The following CLEC16A variants were observed in gnomAD, a reference collection of about 807,000 sequenced individuals.
CLEC16A encodes the protein C-type lectin domain containing 16A, also known as protein CLEC16A.
A neutral mutation model predicts 109.5 loss-of-function variants in CLEC16A; 51 were observed. That is an observed-to-expected ratio of 0.47 (90% confidence interval 0.37 to 0.59). CLEC16A has a LOEUF of 0.59. Ranked by LOEUF, CLEC16A falls within the 20% of genes least tolerant of loss-of-function variation. The pLI, the probability that CLEC16A is intolerant of heterozygous loss-of-function variation, is 0.00. For synonymous variants in CLEC16A, 673 were observed against 564.2 expected (o/e 1.19, Z -2.73); for missense variants, 1,339 against 1,394.0 (o/e 0.96, Z 0.63).
chr16:11,107,915 C>T (rs150280602), intron 19 of CLEC16A, among the ~76,000 whole-genome samples: 1 of 152,326 alleles, frequency 6.6e-6, no homozygotes, highest in African/African-American at 2.4e-5. Context: ...CTTAGGCTTC[C>T]TCTCCCCTCC....
At chr16:11,008,792 C>A (rs1298549806) in intron 11 of CLEC16A, among the ~76,000 whole-genome samples, 2 of 149,070 alleles carry the variant, frequency 1.3e-5, no homozygotes, top group Admixed American at 6.7e-5. Flanking sequence ...AGATCGAGAC[C>A]CTCCTGGCCA....
At chr16:11,101,486 G>A (rs954293064) in intron 19 of CLEC16A, among the ~76,000 whole-genome samples, 2 of 152,306 alleles carry the variant, frequency 1.3e-5, no homozygotes, top group Middle Eastern at 3.4e-3. Flanking sequence ...CACACTCTGC[G>A]TGTCTTGTTC....
chr16:10,982,905 C>G lies in CLEC16A; in HGVS notation c.985C>G (p.Leu329Val), dbSNP rs746655904. 13 of 1,609,440 alleles carry G rather than the reference C, an allele frequency of 8.1e-6. No individual in the cohort carries two copies. The highest frequency in any genetic ancestry group is 1.0e-5 in the Non-Finnish European group (12 of 1,175,770). Residue 329 changes from leucine to valine, a missense_variant, in exon 10 of 24, where the codon CTG becomes GTG. Physicochemically the swap from Leu to Val is conservative, Grantham distance 32 (BLOSUM62 1). Around this residue, in one of 3 missense-constraint regions of CLEC16A, gnomAD observed 1,061 missense variants for 1,006.8 expected, o/e 1.05. Coordinates refer to ENST00000409790, the MANE Select transcript of CLEC16A (RefSeq NM_015226.3). ...QVFLIIHHAP[L>V]VNSLAEVILN... The stretch of plus-strand genomic sequence containing the variant: ...CTTCTTAATTATACATCATGCACCG[C>G]TGGTGAACTCGTTAGCTGAAGTCAT...
chr16:11,082,346 G>T (rs779048138), intron 19 of CLEC16A, among the ~76,000 whole-genome samples: 8 of 152,190 alleles, frequency 5.3e-5, no homozygotes, highest in Non-Finnish European at 1.0e-4. Flanking sequence ...CTTCCCCATT[G>T]AGGCTGTTCC....
chr16:11,009,605 C>T (rs2045275419), intron 11 of CLEC16A, among the ~76,000 whole-genome samples: 1 of 152,198 alleles, frequency 6.6e-6, no homozygotes. Flanking sequence ...GGCGCCGTAC[C>T]ACCTACAAGG....
At chr16:10,972,283 C>T (rs1046451918) in intron 5 of CLEC16A, among the ~76,000 whole-genome samples, 13 of 152,208 alleles carry the variant, frequency 8.5e-5, no homozygotes, top group African/African-American at 2.4e-4. Flanking sequence ...GGTCAAGGCC[C>T]GTGCTCCCAG....
chr16:11,014,323 T>C (rs1019600414), intron 11 of CLEC16A, among the ~76,000 whole-genome samples: 3 of 152,238 alleles, frequency 2.0e-5, no homozygotes, highest in Non-Finnish European at 4.4e-5. Flanking sequence ...GTATGTACCA[T>C]AGTTGATTCC....
In CLEC16A at chr16:11,172,297, TACAC is replaced by T. The variant is rs564924218; in HGVS notation, c.2806+5748_2806+5751del. Among the ~76,000 whole-genome samples the T allele has an allele frequency of 2.0e-5, 3 of 151,908 alleles. No homozygotes were observed. In the South Asian group the frequency reaches 6.2e-4, roughly 32 times the overall value. On this transcript the variant is annotated intron_variant, in intron 23 of 23. Coordinates refer to ENST00000409790, the MANE Select transcript of CLEC16A (RefSeq NM_015226.3). ...ACACACACATACCTGCACCTACACA[TACAC>T]ACTCACACATAGATGCACACAGTCA...
At chr16:11,002,521 A>G (rs1262429314) in intron 10 of CLEC16A, among the ~76,000 whole-genome samples, 5 of 152,302 alleles carry the variant, frequency 3.3e-5, no homozygotes, top group Non-Finnish European at 4.4e-5. Context: ...GTCTGTGTTC[A>G]TGGGGTAAAA....
chr16:10,995,024 T>C (rs917209518), intron 10 of CLEC16A, among the ~76,000 whole-genome samples: 5 of 152,158 alleles, frequency 3.3e-5, no homozygotes, highest in Admixed American at 1.3e-4. Flanking sequence ...TGGGTGACCT[T>C]GGGCAAGATC....
intron 17 of CLEC16A, 103 bp from the exon 18 acceptor site, chr16:11,051,410 A>G: frequency 8.5e-7 from 1 of 1,176,118 alleles, no homozygotes; most frequent in Non-Finnish European, 1.2e-6. Context: ...ATTTACATTT[A>G]CTAAATGCGG....
intron 22 of CLEC16A, among the ~76,000 whole-genome samples, chr16:11,144,950 C>G (rs2053990443): frequency 6.6e-6 from 1 of 152,260 alleles, no homozygotes; most frequent in Non-Finnish European, 1.5e-5. Flanking sequence ...GGGGCTAACT[C>G]ACTTTTGTAC....
intron 10 of CLEC16A, among the ~76,000 whole-genome samples, chr16:10,988,028 G>A (rs530410794): frequency 3.3e-5 from 5 of 152,208 alleles, no homozygotes; most frequent in Non-Finnish European, 5.9e-5. Flanking sequence ...TCATCTGTGC[G>A]TTAAAATCAT....
chr16:11,076,374 G>T (rs1460752355), intron 19 of CLEC16A, among the ~76,000 whole-genome samples: 1 of 152,230 alleles, frequency 6.6e-6, no homozygotes, highest in Non-Finnish European at 1.5e-5. Context: ...TGACGGGGAG[G>T]GGAGGGCAGT....
intron 13 of CLEC16A, among the ~76,000 whole-genome samples, chr16:11,033,413 G>A (rs2046855675): frequency 6.6e-6 from 1 of 152,208 alleles, no homozygotes; most frequent in Admixed American, 6.5e-5. Context: ...GTTTGGAGAA[G>A]AAACGGAAAA....
Position 11,014,742 on chromosome 16 carries a change from A to G in CLEC16A, c.1304-5451A>G, listed in dbSNP as rs575675265. Among the ~76,000 whole-genome samples the G allele has an allele frequency of 6.6e-5, 10 of 152,322 alleles. No homozygotes were observed. In the East Asian group the frequency reaches 1.2e-3, roughly 18 times the overall value. ...ACCATAGGTGGAACTCTGTATCCAC[A>G]TAGCCTACTGAGCTGCTTTCCTTGG... On this transcript the variant is annotated intron_variant, in intron 11 of 23. Transcript: ENST00000409790.
chr16:10,989,434 C>T (rs1050586990), intron 10 of CLEC16A, among the ~76,000 whole-genome samples: 17 of 151,986 alleles, frequency 1.1e-4, no homozygotes, highest in African/African-American at 3.6e-4. Flanking sequence ...GGGGTTTCGC[C>T]GTGTTACCCA....
intron 20 of CLEC16A, among the ~76,000 whole-genome samples, chr16:11,122,835 T>C (rs1316201965): frequency 3.9e-5 from 6 of 151,946 alleles, no homozygotes; most frequent in African/African-American, 9.7e-5. Context: ...GTTCATTTAT[T>C]CTCCACCTTT....
intron 10 of CLEC16A, among the ~76,000 whole-genome samples, chr16:10,993,474 C>T (rs774683893): frequency 1.2e-4 from 19 of 152,188 alleles, no homozygotes; most frequent in South Asian, 6.2e-4. Context: ...TATTGTCACA[C>T]GCTCCCCATA....
Sources: gnomAD v4.1 joint callset for allele counts (sites outside exome capture counted in the v4.1 genomes callset) on GRCh38, gnomAD v4.1.1 for gene constraint, gnomAD v4.1.1 regional missense constraint, MANE v1.5 for transcripts, NCBI Gene and HGNC (gene_info 2026-07-23, HGNC 2026-07-21) for gene names.